Variants in TMEM163 observed in about 807,000 individuals in gnomAD.
The protein encoded by TMEM163 is transmembrane protein 163.
A neutral mutation model predicts 29.3 loss-of-function variants in TMEM163; 17 were observed. That is an observed-to-expected ratio of 0.58 (90% CI 0.40 to 0.87). The LOEUF (loss-of-function observed/expected upper bound fraction) is 0.87, where lower values mean the gene tolerates loss of function less well. Among genes scored for constraint, TMEM163 ranks in the 40% least tolerant of loss-of-function variants. TMEM163 has a pLI of 0.00. For synonymous variants in TMEM163, 157 were observed against 160.6 expected (o/e 0.98, Z 0.17); for missense variants, 303 against 381.5 (o/e 0.79, Z 1.71).
At chr2:134,497,520 T>C (rs944620321) in intron 5 of TMEM163, among the ~76,000 whole-genome samples, 19 of 152,198 alleles carry the variant, frequency 1.2e-4, no homozygotes, top group African/African-American at 4.1e-4. Flanking sequence ...AGCTGGTCAT[T>C]GATCAGGACA....
chr2:134,639,462 C>T (rs181473786), intron 2 of TMEM163, among the ~76,000 whole-genome samples: 3 of 152,270 alleles, frequency 2.0e-5, no homozygotes, highest in African/African-American at 7.2e-5. Context: ...TTTCTGGTTC[C>T]ATTTCCCATT....
At chr2:134,688,486 C>A (rs1346417343) in intron 2 of TMEM163, among the ~76,000 whole-genome samples, 1 of 152,202 alleles carries the variant, frequency 6.6e-6, no homozygotes, top group East Asian at 1.9e-4. Flanking sequence ...TTCCTAGATT[C>A]TCTCAGTCCT....
At chr2:134,479,909 G>A (rs780775356) in intron 5 of TMEM163, among the ~76,000 whole-genome samples, 2 of 152,232 alleles carry the variant, frequency 1.3e-5, no homozygotes, top group Non-Finnish European at 2.9e-5. Flanking sequence ...AGGCAATTAG[G>A]GGAGAGCTGA....
chr2:134,637,056 C>A (rs1435563575), intron 2 of TMEM163, among the ~76,000 whole-genome samples: 3 of 152,254 alleles, frequency 2.0e-5, no homozygotes, highest in Non-Finnish European at 4.4e-5. Context: ...CAGTCTCCCA[C>A]ACAGCTAGCT....
At chr2:134,462,567 C>T (rs1460853156) in intron 6 of TMEM163, among the ~76,000 whole-genome samples, 3 of 152,172 alleles carry the variant, frequency 2.0e-5, no homozygotes, top group African/African-American at 7.2e-5. Flanking sequence ...CACCCAAACT[C>T]CCCACTTTTC....
intron 2 of TMEM163, among the ~76,000 whole-genome samples, chr2:134,638,641 C>T (rs976802989): frequency 2.0e-5 from 3 of 152,066 alleles, no homozygotes. Context: ...GGAGAAACCA[C>T]AGAGGGAAAA....
chr2:134,604,122 T>A (rs1296334672), intron 2 of TMEM163, among the ~76,000 whole-genome samples: 1 of 152,086 alleles, frequency 6.6e-6, no homozygotes, highest in East Asian at 1.9e-4. Context: ...CGCTGTCAGA[T>A]TAACTTCTGA....
intron 2 of TMEM163, among the ~76,000 whole-genome samples, chr2:134,621,790 C>T (rs1322055277): frequency 1.3e-5 from 2 of 152,048 alleles, no homozygotes; most frequent in Non-Finnish European, 2.9e-5. Flanking sequence ...ACTCGGGAGG[C>T]TGAGGCAGGA....
intron 2 of TMEM163, among the ~76,000 whole-genome samples, chr2:134,657,722 A>G (rs949519221): frequency 1.1e-4 from 16 of 152,264 alleles, no homozygotes; most frequent in South Asian, 2.1e-4. Context: ...AGAATCGCCT[A>G]TATCTGGGAG....
intron 2 of TMEM163, among the ~76,000 whole-genome samples, chr2:134,586,882 A>G (rs1308707359): frequency 6.6e-6 from 1 of 152,202 alleles, no homozygotes; most frequent in Non-Finnish European, 1.5e-5. Flanking sequence ...TTGTTAATTC[A>G]ATCCACCAGA....
chr2:134,714,341 G>A (rs886120915), intron 1 of TMEM163, among the ~76,000 whole-genome samples: 7 of 152,176 alleles, frequency 4.6e-5, no homozygotes, highest in African/African-American at 1.7e-4. Context: ...CCTCATCAGA[G>A]TAGCTCCAAA....
chr2:134,592,810 G>C (rs1681966914), intron 2 of TMEM163, among the ~76,000 whole-genome samples: 1 of 150,534 alleles, frequency 6.6e-6, no homozygotes, highest in Non-Finnish European at 1.5e-5. Context: ...TAGATAGATA[G>C]ACTATCTCTC....
At chr2:134,585,469 T>C (rs887799447) in intron 2 of TMEM163, among the ~76,000 whole-genome samples, 14 of 152,184 alleles carry the variant, frequency 9.2e-5, no homozygotes, top group South Asian at 4.2e-4. Context: ...AATGGCCGAG[T>C]GGGGTGGCTC....
chr2:134,554,422 CAAAA>C (rs941286100), intron 2 of TMEM163, among the ~76,000 whole-genome samples: 39 of 21,134 alleles, frequency 1.8e-3, no homozygotes, highest in African/African-American at 3.5e-3. Context: ...GACCCCATCT[CAAAA>C]AAAAAAAAAA....
chr2:134,679,025 A>G (rs1684177028), intron 2 of TMEM163, among the ~76,000 whole-genome samples: 3 of 152,242 alleles, frequency 2.0e-5, no homozygotes, highest in African/African-American at 7.2e-5. Flanking sequence ...CAACATATTT[A>G]ACAACGAGCA....
At chr2:134,649,161 A>C (rs934281333) in intron 2 of TMEM163, among the ~76,000 whole-genome samples, 1 of 152,268 alleles carries the variant, frequency 6.6e-6, no homozygotes, top group Non-Finnish European at 1.5e-5. Context: ...ATGAAATACA[A>C]CAAAGTATAC....
At chr2:134,530,885 A>G (rs1306368784) in intron 4 of TMEM163, among the ~76,000 whole-genome samples, 1 of 152,196 alleles carries the variant, frequency 6.6e-6, no homozygotes, top group Non-Finnish European at 1.5e-5. Context: ...GCACGCACAC[A>G]CAACACACAC....
intron 4 of TMEM163, among the ~76,000 whole-genome samples, chr2:134,510,127 C>T (rs1264255714): frequency 3.9e-5 from 6 of 152,100 alleles, no homozygotes; most frequent in East Asian, 3.9e-4. Context: ...GGATCTTAGA[C>T]GGCATACAGA....
chr2:134,549,866 G>C (rs1250252339), intron 4 of TMEM163, among the ~76,000 whole-genome samples: 1 of 152,100 alleles, frequency 6.6e-6, no homozygotes, highest in Non-Finnish European at 1.5e-5. Flanking sequence ...GTGTTTGTGT[G>C]TGTGTGTGTG....
Sources: allele counts gnomAD v4.1 joint callset (sites outside exome capture counted in the v4.1 genomes callset), GRCh38; gene constraint gnomAD v4.1.1; transcripts MANE v1.5; gene names NCBI Gene and HGNC (gene_info 2026-07-23, HGNC 2026-07-21).